PTK2B: variants seen among roughly 807,000 people sequenced by gnomAD.
The protein encoded by PTK2B is protein-tyrosine kinase 2-beta.
A neutral mutation model predicts 142.9 loss-of-function variants in PTK2B; 71 were observed. That is an observed-to-expected ratio of 0.50 (90% CI 0.41 to 0.61). PTK2B has a LOEUF of 0.61. Among genes scored for constraint, PTK2B ranks in the 20% least tolerant of loss-of-function variants. PTK2B has a pLI of 0.00. For missense variants in PTK2B, 1,105 were observed against 1,320.4 expected, an observed-to-expected ratio of 0.84 and a Z score of 2.53; for synonymous variants, 519 against 503.4, an observed-to-expected ratio of 1.03 and a Z score of -0.42.
chr8:27,359,785 C>G (rs1436622333), intron 1 of PTK2B, among the ~76,000 whole-genome samples: 2 of 152,128 alleles, frequency 1.3e-5, no homozygotes, highest in Non-Finnish European at 2.9e-5. Flanking sequence ...AGACAGAGGT[C>G]AAGCTTCTTC....
intron 22 of PTK2B, 83 bp from the exon 23 acceptor site, chr8:27,444,123 T>G: frequency 7.1e-7 from 1 of 1,413,518 alleles, no homozygotes; most frequent in Non-Finnish European, 1.0e-6. Context: ...GCCTGAGGTG[T>G]CTTTGACCTG....
chr8:27,334,508 A>T (rs562603906), intron 1 of PTK2B, among the ~76,000 whole-genome samples: 1 of 152,170 alleles, frequency 6.6e-6, no homozygotes, highest in Non-Finnish European at 1.5e-5. Flanking sequence ...TGAGCTCCCC[A>T]TGGCAGCTTC....
chr8:27,337,257 T>G, intron 1 of PTK2B, among the ~76,000 whole-genome samples: 1 of 152,180 alleles, frequency 6.6e-6, no homozygotes, highest in African/African-American at 2.4e-5. Flanking sequence ...TGCCTCAGCC[T>G]CCCAAGTAGC....
intron 1 of PTK2B, among the ~76,000 whole-genome samples, chr8:27,367,682 A>G (rs947644564): frequency 3.3e-5 from 5 of 152,228 alleles, no homozygotes; most frequent in African/African-American, 7.2e-5. Flanking sequence ...CATGGCACCA[A>G]CATCAGCTTG....
intron 4 of PTK2B, 123 bp downstream of exon 4, chr8:27,420,867 A>C (rs950228755): frequency 7.6e-5 from 68 of 888,976 alleles, no homozygotes; most frequent in Non-Finnish European, 1.1e-4. Flanking sequence ...CAGGCTAGGA[A>C]GCTTCTCTTG....
At chr8:27,333,689 C>T (rs1205509063) in intron 1 of PTK2B, among the ~76,000 whole-genome samples, 1 of 152,122 alleles carries the variant, frequency 6.6e-6, no homozygotes, top group African/African-American at 2.4e-5. Context: ...GGCCGCTTCC[C>T]CCTGGGCCTC....
At chr8:27,452,691 AT>A in intron 27 of PTK2B, 1 of 191,940 alleles carries the variant, frequency 5.2e-6, no homozygotes, top group Non-Finnish European at 1.1e-5. Context: ...TGGGAAAACC[AT>A]TAGAGAATCC....
intron 1 of PTK2B, among the ~76,000 whole-genome samples, chr8:27,349,033 T>G (rs1804885158): frequency 6.6e-6 from 1 of 152,122 alleles, no homozygotes; most frequent in Non-Finnish European, 1.5e-5. Flanking sequence ...TCTCTCACGT[T>G]CCTATGCATC....
rs145819526 is a variant in PTK2B, at chr8:27,363,944, G to C, written c.-37-33604G>C. 6.9e-3 allele frequency among the ~76,000 whole-genome samples: 1,045 copies of C among 152,274 alleles called. 13 individuals are homozygous for C. Among genetic ancestry groups the C allele is most frequent in the African/African-American group, 0.024 (1,004 of 41,540 alleles). On this transcript the variant is annotated intron_variant, in intron 1 of 30. Coordinates refer to ENST00000346049, the MANE Select transcript of PTK2B (RefSeq NM_173176.3). The surrounding 1 kb of genome is among the most constrained non-coding windows in gnomAD (Gnocchi z 4.3). ...AGATTAGACTAGGGCCCGGCCGCCT[G>C]TCTTGACACATGCGCACAAGCAGCT... is the stretch of plus-strand genomic sequence containing the variant.
chr8:27,455,695 G>A (rs1192407759), intron 30 of PTK2B, among the ~76,000 whole-genome samples: 1 of 152,240 alleles, frequency 6.6e-6, no homozygotes, highest in Non-Finnish European at 1.5e-5. Context: ...TAGCCTCCAG[G>A]GAGAACAAGC....
chr8:27,434,615 C>T (rs1810660238), intron 13 of PTK2B, 56 bp downstream of exon 13: 2 of 1,548,928 alleles, frequency 1.3e-6, no homozygotes, highest in Admixed American at 1.8e-5. Flanking sequence ...CTGCTTGCTC[C>T]CCACTGCTTG....
chr8:27,414,421 A>G (rs1809257444), intron 2 of PTK2B, among the ~76,000 whole-genome samples: 1 of 151,688 alleles, frequency 6.6e-6, no homozygotes, highest in African/African-American at 2.4e-5. Flanking sequence ...ATTTTTTTGT[A>G]TTTTTTAGTA....
At chr8:27,366,058 A>G (rs1806002704) in intron 1 of PTK2B, among the ~76,000 whole-genome samples, 1 of 152,208 alleles carries the variant, frequency 6.6e-6, no homozygotes, top group South Asian at 2.1e-4. Context: ...TCATGACACC[A>G]TGTTTCAAAG....
intron 1 of PTK2B, among the ~76,000 whole-genome samples, chr8:27,396,670 C>G (rs1228029888): frequency 6.6e-6 from 1 of 152,236 alleles, no homozygotes; most frequent in Admixed American, 6.5e-5. Context: ...TGGGCATTCC[C>G]TGCTTTAGAT....
chr8:27,458,597 G>T lies in PTK2B; in HGVS notation c.*88G>T. The T allele has an allele frequency of 7.2e-7, 1 of 1,398,508 alleles. No individual in the cohort carries two copies. The highest frequency in any genetic ancestry group is 9.7e-7 in the Non-Finnish European group (1 of 1,028,448). 86.6% of individuals were successfully genotyped at this position (1,398,508 alleles called of 1,614,324 possible). The stretch of plus-strand genomic sequence containing the variant: ...TGCTGTTGGTCATGTGGGTCTTCCA[G>T]GGGGAAGGCCAAGGGGAGTCACCTT... On this transcript the variant is annotated 3_prime_UTR_variant, in exon 31 of 31. Coordinates refer to ENST00000346049, the MANE Select transcript of PTK2B (RefSeq NM_173176.3).
At position 27,444,218 on chromosome 8, in the gene PTK2B, A is replaced by G; in HGVS notation, c.2161A>G (p.Lys721Glu). ...GTTCTCTCTCCAGCCCAGCCGACCT[A>G]AGTACAGACCCCCTCCGCAAACCAA... ...QEPPPKPSRP[K>E]YRPPPQTNLL... Residue 721 changes from lysine to glutamate, a missense_variant, in exon 23 of 31, where the codon AAG becomes GAG. By Grantham distance (56) the Lys-to-Glu change is moderately conservative. Transcript: ENST00000346049. The G allele has an allele frequency of 6.2e-7, 1 of 1,613,600 alleles. No homozygotes were observed. The highest frequency in any genetic ancestry group is 8.5e-7 in the Non-Finnish European group (1 of 1,179,564).
At chr8:27,349,093 A>C (rs1804888117) in intron 1 of PTK2B, among the ~76,000 whole-genome samples, 1 of 151,868 alleles carries the variant, frequency 6.6e-6, no homozygotes, top group Non-Finnish European at 1.5e-5. Flanking sequence ...ACTGAGGCCC[A>C]CCTCCTGTTC....
In PTK2B at chr8:27,445,804, G is replaced by A. The variant is rs143169594; in HGVS notation, c.2225G>A (p.Gly742Asp). The change falls in exon 24 of 31, where the codon GGT (glycine) becomes GAT (aspartate). Residue 742 changes from glycine to aspartate, a missense_variant. Transcript: ENST00000346049. The stretch of plus-strand genomic sequence containing the variant: ...GCTTTTCCTGAATAGGTTCCTGAGG[G>A]TCTGTGTGCCAGCTCTCCTACGCTC... ...APKLQFQVPE[G>D]LCASSPTLTS... is the part of the protein sequence containing the mutation. 6.2e-7 allele frequency: 1 copy of A among 1,613,818 alleles called. No individual in the cohort carries two copies. Among genetic ancestry groups the A allele is most frequent in the Non-Finnish European group, 8.5e-7 (1 of 1,180,032 alleles).
chr8:27,403,719 G>A (rs965227762), intron 2 of PTK2B, among the ~76,000 whole-genome samples: 10 of 152,078 alleles, frequency 6.6e-5, no homozygotes, highest in South Asian at 2.1e-4. Flanking sequence ...GCACCCAGAC[G>A]TGCCCACACA....
Sources: gnomAD v4.1 joint callset for allele counts (sites outside exome capture counted in the v4.1 genomes callset) on GRCh38, gnomAD v4.1.1 for gene constraint, Gnocchi (gnomAD v3.1) non-coding constraint, MANE v1.5 for transcripts, NCBI Gene and HGNC (gene_info 2026-07-23, HGNC 2026-07-21) for gene names.